Variants in ADAM10 observed in about 807,000 individuals in gnomAD.
ADAM10 encodes the protein disintegrin and metalloproteinase domain-containing protein 10.
ADAM10 carries 17 observed loss-of-function variants against 90.1 expected under a neutral mutation model. The ratio of observed to expected loss-of-function variants is 0.19; its 90% CI spans 0.13 to 0.28. The LOEUF (loss-of-function observed/expected upper bound fraction) is 0.28. ADAM10 is among the 10% of genes least tolerant of loss of function. The pLI is 1.00. For synonymous variants in ADAM10, 310 were observed against 298.6 expected, an observed-to-expected ratio of 1.04 and a Z score of -0.40; for missense variants, 610 against 914.3, an observed-to-expected ratio of 0.67 and a Z score of 4.29.
chr15:58,689,904 C>T (rs1221790338), intron 2 of ADAM10, among the ~76,000 whole-genome samples: 2 of 138,094 alleles, frequency 1.4e-5, no homozygotes, highest in Non-Finnish European at 3.1e-5. Context: ...GTACTCAACT[C>T]ATTTTATGTG....
intron 1 of ADAM10, among the ~76,000 whole-genome samples, chr15:58,738,606 G>A (rs1006590685): frequency 1.3e-5 from 2 of 152,136 alleles, no homozygotes; most frequent in Non-Finnish European, 2.9e-5. Context: ...TAGTCTCTAA[G>A]AAGTAAAAAT....
intron 2 of ADAM10, among the ~76,000 whole-genome samples, chr15:58,708,440 T>C (rs1461902272): frequency 2.0e-5 from 3 of 151,860 alleles, no homozygotes; most frequent in African/African-American, 7.3e-5. Context: ...GGTAGGAGGA[T>C]AGCTTGAGCC....
chr15:58,665,000 G>A lies in ADAM10; in HGVS notation c.585+97C>T, dbSNP rs369364801. 1.3e-4 allele frequency: 126 copies of A among 998,636 alleles called. No individual in the cohort carries two copies. The East Asian group carries it at 1.6e-3, about 13-fold the overall frequency. 61.9% of individuals were successfully genotyped at this position (998,636 alleles called of 1,614,324 possible). ...AAAACATTCCCCACAGTGGTGTTAA[G>A]TCTTTCAGAAATCCTAGAACATATA... On this transcript the variant is annotated intron_variant, in intron 5 of 15. Coordinates refer to ENST00000260408, the MANE Select transcript of ADAM10 (RefSeq NM_001110.4).
chr15:58,610,735 C>T, intron 13 of ADAM10: 1 of 649,558 alleles, frequency 1.5e-6, no homozygotes, highest in Non-Finnish European at 2.7e-6. Context: ...ACTCAGTGTC[C>T]ACGATGACTT....
intron 8 of ADAM10, among the ~76,000 whole-genome samples, chr15:58,637,276 C>T (rs555974678): frequency 6.6e-6 from 1 of 152,310 alleles, no homozygotes; most frequent in Non-Finnish European, 1.5e-5. Flanking sequence ...CTGAAGGTTT[C>T]AGGACTAACT....
At chr15:58,662,289 T>C (rs1368927324) in intron 5 of ADAM10, among the ~76,000 whole-genome samples, 8 of 152,236 alleles carry the variant, frequency 5.3e-5, no homozygotes, top group African/African-American at 1.7e-4. Context: ...GCTTCTACTC[T>C]AGGGCTAGGT....
At chr15:58,656,560 T>C (rs1896833761) in intron 5 of ADAM10, among the ~76,000 whole-genome samples, 1 of 152,182 alleles carries the variant, frequency 6.6e-6, no homozygotes, top group Non-Finnish European at 1.5e-5. Flanking sequence ...ATGACAACAG[T>C]GATTGCATAA....
chr15:58,621,408 T>A (rs764693343), intron 11 of ADAM10, 63 bp downstream of exon 11: 1 of 1,593,554 alleles, frequency 6.3e-7, no homozygotes, highest in Non-Finnish European at 8.6e-7. Flanking sequence ...AGTTTTAAAT[T>A]TGTCATAACT....
At chr15:58,669,249 G>A (rs746749356) in intron 4 of ADAM10, among the ~76,000 whole-genome samples, 10 of 152,060 alleles carry the variant, frequency 6.6e-5, no homozygotes, top group African/African-American at 2.2e-4. Context: ...AAGGTCTCCC[G>A]GCAATCATCC....
chr15:58,743,701 T>A (rs1475153988), intron 1 of ADAM10, among the ~76,000 whole-genome samples: 1 of 151,504 alleles, frequency 6.6e-6, no homozygotes, highest in Admixed American at 6.6e-5. Flanking sequence ...ACCTCCCGGG[T>A]TCAAGCGATT....
intron 2 of ADAM10, among the ~76,000 whole-genome samples, chr15:58,693,437 C>T (rs1374660956): frequency 1.3e-5 from 2 of 151,980 alleles, no homozygotes; most frequent in African/African-American, 4.8e-5. Flanking sequence ...AATGAAAGAC[C>T]TAAGAATATA....
At chr15:58,692,725 G>C (rs1325672738) in intron 2 of ADAM10, 12 of 573,092 alleles carry the variant, frequency 2.1e-5, no homozygotes, top group South Asian at 1.5e-4. Context: ...CCCAGCAGAA[G>C]ATACCCAGGA....
intron 2 of ADAM10, among the ~76,000 whole-genome samples, chr15:58,687,297 C>T (rs1897629679): frequency 6.6e-6 from 1 of 152,184 alleles, no homozygotes; most frequent in Non-Finnish European, 1.5e-5. Context: ...CAGATTTGGT[C>T]TTTGTATTCT....
intron 10 of ADAM10, among the ~76,000 whole-genome samples, chr15:58,622,899 G>T (rs1364764411): frequency 6.6e-6 from 1 of 152,194 alleles, no homozygotes; most frequent in African/African-American, 2.4e-5. Context: ...CAAGGAGTCT[G>T]TAACTTGCTA....
chr15:58,686,405 G>A (rs1393066174), intron 2 of ADAM10: 50 of 1,190,896 alleles, frequency 4.2e-5, no homozygotes, highest in Admixed American at 2.0e-4. Context: ...GCCCAGCGCC[G>A]CCACCATGTC....
chr15:58,607,949 C>G (rs531795923), intron 14 of ADAM10, among the ~76,000 whole-genome samples: 1 of 152,164 alleles, frequency 6.6e-6, no homozygotes, highest in African/African-American at 2.4e-5. Context: ...GAAATAAGGT[C>G]TCAACAGATT....
At chr15:58,662,683 T>C (rs1298640335) in intron 5 of ADAM10, among the ~76,000 whole-genome samples, 1 of 152,050 alleles carries the variant, frequency 6.6e-6, no homozygotes, top group African/African-American at 2.4e-5. Context: ...TTTCACAGAG[T>C]CCAGGTAGTT....
At chr15:58,702,381 T>C (rs151067670) in intron 2 of ADAM10, among the ~76,000 whole-genome samples, 1 of 152,206 alleles carries the variant, frequency 6.6e-6, no homozygotes, top group East Asian at 1.9e-4. Context: ...AAAGTGCAAA[T>C]GTTTGATAGC....
In ADAM10 at chr15:58,627,605, A is replaced by T; in HGVS notation, c.1360+95T>A. 18 of 1,040,904 alleles carry T rather than the reference A, an allele frequency of 1.7e-5. No homozygotes were observed. The South Asian group carries it at 2.3e-4, about 13-fold the overall frequency. The allele number at this position is 1,040,904 out of a possible 1,614,324, so 64.5% of individuals were successfully genotyped here. On this transcript the variant is annotated intron_variant, in intron 10 of 15. Transcript: ENST00000260408. ...CAAAGTGTTAGCAATAGTAAAATGC[A>T]GGTGGTGGGTATGTCAGTAATCACT...
Sources: gnomAD v4.1 joint callset for allele counts (sites outside exome capture counted in the v4.1 genomes callset) on GRCh38, gnomAD v4.1.1 for gene constraint, MANE v1.5 for transcripts, NCBI Gene and HGNC (gene_info 2026-07-23, HGNC 2026-07-21) for gene names.